Variants in SH3RF1 observed in about 807,000 individuals in gnomAD.
SH3RF1 encodes the protein E3 ubiquitin-protein ligase SH3RF1.
A neutral mutation model predicts 74.0 loss-of-function variants in SH3RF1; 32 were observed. The observed-to-expected ratio is 0.43, with a 90% confidence interval of 0.33 to 0.58. The LOEUF is 0.58. Ranked by LOEUF, SH3RF1 falls within the 20% of genes least tolerant of loss-of-function variation. The pLI is 0.05. For missense variants in SH3RF1, 954 were observed against 1,130.9 expected (o/e 0.84, Z 2.24); for synonymous variants, 396 against 439.6 (o/e 0.90, Z 1.24).
chr4:169,268,894 A>G lies in SH3RF1; in HGVS notation c.319T>C (p.Cys107Arg). The G allele has an allele frequency of 6.2e-7, 1 of 1,613,510 alleles. No individual in the cohort carries two copies. Among genetic ancestry groups the G allele is most frequent in the Non-Finnish European group, 8.5e-7 (1 of 1,180,002 alleles). Residue 107 changes from cysteine (C) to arginine (R), a missense_variant, in exon 2 of 12, where the codon TGT becomes CGT. Cys to Arg is a radical substitution (Grantham distance 180). Around this residue, in one of 3 missense-constraint regions of SH3RF1, gnomAD observed 854 missense variants for 962.5 expected, o/e 0.89. Coordinates refer to ENST00000284637, the MANE Select transcript of SH3RF1 (RefSeq NM_020870.4). ...LRSQSSTVAN[C>R]SSKDLQSSQG... The stretch of plus-strand genomic sequence containing the variant: ...GAGCTCTGCAGATCTTTTGAGCTAC[A>G]ATTAGCCACAGTGCTGCTCTGAGAC...
chr4:169,228,472 G>A (rs1307338150), intron 2 of SH3RF1, among the ~76,000 whole-genome samples: 5 of 152,098 alleles, frequency 3.3e-5, no homozygotes, highest in Non-Finnish European at 7.4e-5. Flanking sequence ...CTTGCCTTGG[G>A]GCCCCTTCCT....
chr4:169,188,683 T>C (rs540542871), intron 2 of SH3RF1, among the ~76,000 whole-genome samples: 9 of 152,208 alleles, frequency 5.9e-5, no homozygotes, highest in Non-Finnish European at 1.3e-4. Flanking sequence ...TCTTTAAAGC[T>C]TTCTGGCTTA....
intron 2 of SH3RF1, among the ~76,000 whole-genome samples, chr4:169,229,608 G>A (rs1333051548): frequency 1.3e-5 from 2 of 152,000 alleles, no homozygotes; most frequent in Non-Finnish European, 2.9e-5. Context: ...TTTTCAGAAC[G>A]TTTTCCTAAC....
chr4:169,169,596 CA>C (rs1481668994), intron 2 of SH3RF1, among the ~76,000 whole-genome samples: 4 of 150,046 alleles, frequency 2.7e-5, no homozygotes, highest in African/African-American at 9.8e-5. Flanking sequence ...GACACTGTTT[CA>C]AAAAATAAAA....
intron 2 of SH3RF1, among the ~76,000 whole-genome samples, chr4:169,158,990 C>T (rs1734107135): frequency 6.6e-6 from 1 of 152,156 alleles, no homozygotes; most frequent in Admixed American, 6.5e-5. Context: ...CCCTGAGAGG[C>T]CAATGTCCTG....
chr4:169,164,979 A>G (rs145601248), intron 2 of SH3RF1, among the ~76,000 whole-genome samples: 306 of 152,332 alleles, frequency 2.0e-3, no homozygotes, highest in African/African-American at 6.5e-3. Flanking sequence ...AAATGCAAGA[A>G]GTTTGTGTCA....
At chr4:169,146,139 C>T (rs1733885900) in intron 4 of SH3RF1, among the ~76,000 whole-genome samples, 1 of 130,174 alleles carries the variant, frequency 7.7e-6, no homozygotes, top group African/African-American at 3.0e-5. Flanking sequence ...TATTATATAT[C>T]TATATATTCT....
At chr4:169,127,626 C>G (rs550128355) in intron 6 of SH3RF1, among the ~76,000 whole-genome samples, 9 of 152,232 alleles carry the variant, frequency 5.9e-5, no homozygotes, top group Non-Finnish European at 1.3e-4. Context: ...AGTAGACATA[C>G]TGTTTAATCA....
At chr4:169,202,777 T>C (rs1036428363) in intron 2 of SH3RF1, among the ~76,000 whole-genome samples, 4 of 152,206 alleles carry the variant, frequency 2.6e-5, no homozygotes, top group African/African-American at 9.6e-5. Flanking sequence ...AGATATGTTG[T>C]TGTCATCAGA....
intron 2 of SH3RF1, among the ~76,000 whole-genome samples, chr4:169,218,382 TATATATATTATAGA>T (rs1730502514): frequency 7.1e-6 from 1 of 140,940 alleles, no homozygotes; most frequent in South Asian, 2.1e-4. Flanking sequence ...GAATATAGAA[TATATATATTATAGA>T]ATATAGAATA....
rs1732875416 is a variant in SH3RF1 at position 169,094,282 on chromosome 4, T to C, written c.*2237A>G. The C allele has an allele frequency of 6.6e-6, 1 of 152,174 alleles. No homozygotes were observed. The highest frequency in any genetic ancestry group is 2.1e-4 in the South Asian group (1 of 4,826). The allele number at this position is 152,174 out of a possible 1,614,324, so 9.4% of individuals were successfully genotyped here. ...CAAAGGTTTGAACATCAAATTTTAA[T>C]CTTGAAACCTTTTATCCAGTCCTCA... On this transcript the variant is annotated 3_prime_UTR_variant, in exon 12 of 12. Transcript: ENST00000284637.
chr4:169,191,375 C>T (rs1734706143), intron 2 of SH3RF1, among the ~76,000 whole-genome samples: 1 of 151,026 alleles, frequency 6.6e-6, no homozygotes, highest in Admixed American at 6.6e-5. Context: ...CTACAAAACG[C>T]TGCTAAAAGA....
chr4:169,171,723 CAAGG>C lies in SH3RF1; in HGVS notation c.394-15048_394-15045del, dbSNP rs1268155509. The stretch of plus-strand genomic sequence containing the variant: ...TCAAGTGAAAACTATAACAATTATG[CAAGG>C]AAGTATCTCCCAGCCTACAATATTC... On this transcript the variant is annotated intron_variant, in intron 2 of 11. Coordinates refer to ENST00000284637, the MANE Select transcript of SH3RF1 (RefSeq NM_020870.4). Among the ~76,000 whole-genome samples, 11 of 152,250 alleles carry C rather than the reference CAAGG, an allele frequency of 7.2e-5. No homozygotes were observed. In the East Asian group the frequency reaches 2.1e-3, roughly 29 times the overall value.
chr4:169,167,346 A>T (rs1734263672), intron 2 of SH3RF1, among the ~76,000 whole-genome samples: 1 of 152,230 alleles, frequency 6.6e-6, no homozygotes, highest in Non-Finnish European at 1.5e-5. Flanking sequence ...TGGAGCAACT[A>T]GAATTTACAT....
intron 5 of SH3RF1, among the ~76,000 whole-genome samples, chr4:169,135,820 A>G (rs1382776511): frequency 6.6e-6 from 1 of 152,200 alleles, no homozygotes; most frequent in Non-Finnish European, 1.5e-5. Context: ...TGTGAGGTCA[A>G]TTTCTAATTT....
chr4:169,255,622 T>TACAC (rs56229906), intron 2 of SH3RF1, among the ~76,000 whole-genome samples: 10,902 of 124,606 alleles, frequency 0.087, 583 homozygotes, highest in African/African-American at 0.15. Context: ...CATACACACA[T>TACAC]ACACACACAC....
rs768675326 is a variant in SH3RF1, at chr4:169,120,867, G to A, written c.1469C>T (p.Thr490Ile). The stretch of plus-strand genomic sequence containing the variant: ...GCCAGGGAAAACCCCTATCTTGCTG[G>A]TATGCATGGATGTCCCTTTGAACCA... The part of the protein sequence containing the change: ...DGWFKGTSMH[T>I]SKIGVFPGNY... The change falls in exon 8 of 12, where the codon ACC (threonine) becomes ATC (isoleucine). Residue 490 changes from threonine to isoleucine, a missense_variant. By Grantham distance (89) the Thr-to-Ile change is moderately conservative. Coordinates refer to ENST00000284637, the MANE Select transcript of SH3RF1 (RefSeq NM_020870.4). 8.1e-6 allele frequency: 13 copies of A among 1,614,058 alleles called. No homozygotes were observed. The highest frequency in any genetic ancestry group is 1.0e-5 in the Non-Finnish European group (12 of 1,180,038).
At chr4:169,183,882 T>C (rs1734557103) in intron 2 of SH3RF1, among the ~76,000 whole-genome samples, 2 of 152,224 alleles carry the variant, frequency 1.3e-5, no homozygotes, top group Admixed American at 1.3e-4. Context: ...GAAAGAGACT[T>C]TTTATTTCTA....
At chr4:169,224,352 C>G (rs1033441526) in intron 2 of SH3RF1, among the ~76,000 whole-genome samples, 13 of 148,986 alleles carry the variant, frequency 8.7e-5, no homozygotes, top group African/African-American at 3.0e-4. Flanking sequence ...GAGTCTTGCT[C>G]TGTGGTCCAG....
Sources: gnomAD v4.1 joint callset for allele counts (sites outside exome capture counted in the v4.1 genomes callset) on GRCh38, gnomAD v4.1.1 for gene constraint, gnomAD v4.1.1 regional missense constraint, MANE v1.5 for transcripts, NCBI Gene and HGNC (gene_info 2026-07-23, HGNC 2026-07-21) for gene names.